The following PKHD1L1 variants were observed in gnomAD, a reference collection of about 807,000 sequenced individuals.
The protein encoded by PKHD1L1 is fibrocystin-L.
In PKHD1L1, 434 loss-of-function variants were observed where a neutral mutation model predicts 462.9. The ratio of observed to expected loss-of-function variants is 0.94; its 90% CI spans 0.87 to 1.02. PKHD1L1 has a LOEUF of 1.02. Among genes scored for constraint, PKHD1L1 ranks in the 50% least tolerant of loss-of-function variants. The probability of loss-of-function intolerance (pLI) is 0.00; values close to 1 mark genes in which losing one functional copy is unlikely to be tolerated. For missense variants in PKHD1L1, 5,202 were observed against 5,096.1 expected, an observed-to-expected ratio of 1.02 and a Z score of -0.63; for synonymous variants, 1,781 against 1,750.0, an observed-to-expected ratio of 1.02 and a Z score of -0.44.
chr8:109,503,967 C>T (rs759550352), intron 67 of PKHD1L1, among the ~76,000 whole-genome samples: 3 of 152,108 alleles, frequency 2.0e-5, no homozygotes, highest in Non-Finnish European at 4.4e-5. Flanking sequence ...CACATGTATC[C>T]CAGGCTTACT....
At chr8:109,507,026 T>C (rs1299905526) in intron 68 of PKHD1L1, among the ~76,000 whole-genome samples, 3 of 152,170 alleles carry the variant, frequency 2.0e-5, no homozygotes, top group African/African-American at 7.2e-5. Context: ...CTCTTACTTT[T>C]ATCTATAGAA....
At chr8:109,473,409 G>A (rs538829094) in intron 50 of PKHD1L1, among the ~76,000 whole-genome samples, 29 of 152,054 alleles carry the variant, frequency 1.9e-4, no homozygotes, top group African/African-American at 6.7e-4. Context: ...CCAGCTACTT[G>A]GGAGGTTGAG....
At chr8:109,475,530 A>G (rs1252280552) in intron 51 of PKHD1L1, among the ~76,000 whole-genome samples, 1 of 152,134 alleles carries the variant, frequency 6.6e-6, no homozygotes, top group Non-Finnish European at 1.5e-5. Flanking sequence ...TACCATGATA[A>G]TAACTTACCT....
chr8:109,420,914 G>A (rs1456678828), intron 23 of PKHD1L1, among the ~76,000 whole-genome samples: 1 of 151,760 alleles, frequency 6.6e-6, no homozygotes, highest in Non-Finnish European at 1.5e-5. Context: ...AAAAAACAAA[G>A]TCATATTTAA....
chr8:109,522,671 C>T (rs1463077546), intron 74 of PKHD1L1, 73 bp from the exon 75 acceptor site: 4 of 1,392,990 alleles, frequency 2.9e-6, no homozygotes, highest in Non-Finnish European at 3.8e-6. Flanking sequence ...TTATACTCAG[C>T]CTGGCTAAAA....
At chr8:109,432,983 G>C (rs1178448701) in intron 27 of PKHD1L1, 123 bp from the exon 28 acceptor site, 2 of 702,218 alleles carry the variant, frequency 2.8e-6, no homozygotes, top group African/African-American at 1.8e-5. Flanking sequence ...CTGCTCTCCT[G>C]TTAGGCTTAT....
At position 109,498,467 on chromosome 8, in the gene PKHD1L1, AT is replaced by A. The variant is rs777357424; in HGVS notation, c.10607del (p.Leu3536Ter). ...TTTGGCTTATTTCCAAACAGAGCTC[AT>A]TAATTGTTGGAAGTAGCCCTGGGTT... is the stretch of plus-strand genomic sequence containing the variant. ...SSKNVQIKSS[L>X]IVGSSPGFNC... On this transcript the variant is annotated frameshift_variant, in exon 66 of 78. Transcript: ENST00000378402. LOFTEE classifies it high-confidence loss of function. The A allele has an allele frequency of 8.7e-6, 14 of 1,604,668 alleles. No homozygotes were observed. The Admixed American group carries it at 2.3e-4, about 27-fold the overall frequency.
At chr8:109,399,766 C>T (rs60761783) in intron 12 of PKHD1L1, among the ~76,000 whole-genome samples, 5,224 of 152,114 alleles carry the variant, frequency 0.034, 312 homozygotes, top group African/African-American at 0.12. Flanking sequence ...TTACATAAAG[C>T]ACTTTTTAAA....
intron 40 of PKHD1L1, 126 bp downstream of exon 40, chr8:109,449,613 T>G: frequency 1.4e-6 from 1 of 727,780 alleles, no homozygotes; most frequent in Non-Finnish European, 2.0e-6. Flanking sequence ...CTGTCCTGAT[T>G]CTAAGCAATT....
rs752957178 is a variant in PKHD1L1, at chr8:109,429,959, G to A, written c.3151G>A (p.Ala1051Thr). Reference protein sequence around the residue: ...QVEVYVNGIPAKCSGDCGFTW... With the variant: ...QVEVYVNGIPTKCSGDCGFTW... The stretch of plus-strand genomic sequence containing the variant: ...TGAAGTCTATGTCAATGGAATTCCA[G>A]CTAAATGTTCAGGTGACTGTGGATT... Residue 1051 changes from alanine (A) to threonine (T), a missense_variant, in exon 27 of 78, where the codon GCT (alanine) becomes ACT (threonine). Ala to Thr is a moderately conservative substitution (Grantham distance 58). Coordinates refer to ENST00000378402, the MANE Select transcript of PKHD1L1 (RefSeq NM_177531.6). 3.1e-6 allele frequency: 5 copies of A among 1,612,246 alleles called. No individual in the cohort carries two copies. The Admixed American group carries it at 6.7e-5, about 22-fold the overall frequency.
chr8:109,470,598 T>A, intron 50 of PKHD1L1: 1 of 1,582,858 alleles, frequency 6.3e-7, no homozygotes, highest in East Asian at 2.2e-5. Context: ...CTGATGTTGT[T>A]GATAAATTAA....
chr8:109,483,568 G>A (rs1342518847), intron 57 of PKHD1L1, among the ~76,000 whole-genome samples: 1 of 148,128 alleles, frequency 6.8e-6, no homozygotes, highest in East Asian at 2.0e-4. Context: ...AATATTTTTG[G>A]ATAAAATTAA....
chr8:109,443,046 T>C lies in PKHD1L1; in HGVS notation c.4494T>C (p.Val1498=). 1 of 1,613,792 alleles carries C rather than the reference T, an allele frequency of 6.2e-7. No individual in the cohort carries two copies. The highest frequency in any genetic ancestry group is 1.7e-5 in the Admixed American group (1 of 60,018). Residue 1498 remains valine (V), a synonymous_variant, in exon 36 of 78, where the codon GTT becomes GTC. Transcript: ENST00000378402. ...HSIFLQGVIN[V]LPAETRHIPL... Reference sequence around the variant, plus strand: ...TTTTTCTCCAAGGAGTCATTAATGTTTTACCAGCTGAAACCAGACACATTC... The same window carrying C: ...TTTTTCTCCAAGGAGTCATTAATGTCTTACCAGCTGAAACCAGACACATTC...
intron 11 of PKHD1L1, among the ~76,000 whole-genome samples, chr8:109,398,068 G>T (rs1217289368): frequency 1.3e-5 from 2 of 151,886 alleles, no homozygotes; most frequent in African/African-American, 4.8e-5. Context: ...CTACTGAAGA[G>T]GTCTAGGGTC....
rs776456252 is a variant in PKHD1L1, at chr8:109,445,282, C to T, written c.5413C>T (p.Leu1805Phe). The T allele has an allele frequency of 1.9e-6, 3 of 1,613,994 alleles. No individual in the cohort carries two copies. The highest frequency in any genetic ancestry group is 2.5e-6 in the Non-Finnish European group (3 of 1,179,886). The change falls in exon 38 of 78, where the codon CTC (leucine) becomes TTC (phenylalanine). Residue 1805 changes from leucine to phenylalanine, a missense_variant. Physicochemically the swap from Leu to Phe is conservative, Grantham distance 22. This residue lies in a region of PKHD1L1 where 4,497 missense variants were observed against 4,336.8 expected (regional missense o/e 1.04). Transcript: ENST00000378402. ...CAACATCACTGCTCTTGTGACTCCT[C>T]TCCCAGTTGGACATCATTCTGTTAG... ...ENNITALVTP[L>F]PVGHHSVSVV...
chr8:109,443,938 T>C, intron 37 of PKHD1L1, 36 bp downstream of exon 37: 1 of 1,487,074 alleles, frequency 6.7e-7, no homozygotes, highest in Non-Finnish European at 9.2e-7. Context: ...ACTTCTATTA[T>C]ATGTTCCCAA....
intron 13 of PKHD1L1, 116 bp from the exon 14 acceptor site, chr8:109,401,381 C>T (rs542123744): frequency 1.6e-6 from 1 of 640,144 alleles, no homozygotes; most frequent in Non-Finnish European, 2.7e-6. Context: ...AGTAGTTTTA[C>T]ATTTTTCTAC....
At chr8:109,362,794 C>T in intron 1 of PKHD1L1, 141 bp downstream of exon 1, 1 of 856,106 alleles carries the variant, frequency 1.2e-6, no homozygotes, top group Non-Finnish European at 1.9e-6. Flanking sequence ...TCCTGGGGAC[C>T]AGGGGAGCTG....
At chr8:109,365,376 TTTAA>T (rs1243930128) in intron 2 of PKHD1L1, among the ~76,000 whole-genome samples, 2 of 152,198 alleles carry the variant, frequency 1.3e-5, no homozygotes, top group Non-Finnish European at 2.9e-5. Context: ...AACAAAGATA[TTTAA>T]TTATTTTGTT....
Sources: gnomAD v4.1 joint callset for allele counts (sites outside exome capture counted in the v4.1 genomes callset) on GRCh38, gnomAD v4.1.1 for gene constraint, gnomAD v4.1.1 regional missense constraint, MANE v1.5 for transcripts, NCBI Gene and HGNC (gene_info 2026-07-23, HGNC 2026-07-21) for gene names.